The following LINGO2 variants were observed in gnomAD, a reference collection of about 807,000 sequenced individuals.
LINGO2 encodes leucine-rich repeat and immunoglobulin-like domain-containing nogo receptor-interacting protein 2.
LINGO2 carries 14 observed loss-of-function variants against 30.6 expected under a neutral mutation model. The observed-to-expected ratio is 0.46, with a 90% CI of 0.30 to 0.72. The LOEUF is 0.72. LINGO2 is among the 30% of genes least tolerant of loss of function. The pLI is 0.07. For synonymous variants in LINGO2, 317 were observed against 288.5 expected, an observed-to-expected ratio of 1.10 and a Z score of -1.00; for missense variants, 729 against 751.7, an observed-to-expected ratio of 0.97 and a Z score of 0.35.
intron 1 of LINGO2, among the ~76,000 whole-genome samples, chr9:28,539,062 G>A (rs192871910): frequency 1.1e-4 from 16 of 151,826 alleles, no homozygotes; most frequent in African/African-American, 2.2e-4. Context: ...AAATAAACTC[G>A]TAATATGTAT....
Position 28,147,845 on chromosome 9 carries a change from C to G in LINGO2, c.-86-135440G>C, listed in dbSNP as rs957129496. 6.6e-6 allele frequency among the ~76,000 whole-genome samples: 1 copy of G among 152,186 alleles called. No individual in the cohort carries two copies. Among genetic ancestry groups the G allele is most frequent in the African/African-American group, 2.4e-5 (1 of 41,442 alleles). ...CTGGGCTCCTAAGCACTCCTCCACA[C>G]CCTGGCTCTGTCACCAGCCCCATAG... is the stretch of plus-strand genomic sequence containing the variant. On this transcript the variant is annotated intron_variant, in intron 4 of 5. Coordinates refer to ENST00000379992, the Ensembl canonical transcript of LINGO2. This position sits in a 1 kb window ranked among gnomAD's most constrained non-coding sequence, Gnocchi z 4.7.
the LINGO2 span, among the ~76,000 whole-genome samples, chr9:29,188,051 G>C: frequency 8.9e-6 from 1 of 112,330 alleles, no homozygotes; most frequent in Non-Finnish European, 1.8e-5. Context: ...GATCATTCTT[G>C]GGTGTTTCTC....
chr9:29,180,142 A>G, the LINGO2 span, among the ~76,000 whole-genome samples: 1 of 152,212 alleles, frequency 6.6e-6, no homozygotes, highest in Non-Finnish European at 1.5e-5. Context: ...CTCAGCACCA[A>G]GGAAAACACT....
chr9:28,697,638 A>G, the LINGO2 span, among the ~76,000 whole-genome samples: 1 of 151,940 alleles, frequency 6.6e-6, no homozygotes, highest in African/African-American at 2.4e-5. Flanking sequence ...ATTTAACTGA[A>G]GTAGAAATAT....
chr9:28,597,781 T>C (rs1344624990), intron 1 of LINGO2, among the ~76,000 whole-genome samples: 1 of 152,194 alleles, frequency 6.6e-6, no homozygotes, highest in African/African-American at 2.4e-5. Flanking sequence ...TTTATTTATT[T>C]TGAGACAGAG....
chr9:29,082,048 T>G, the LINGO2 span, among the ~76,000 whole-genome samples: 1 of 152,076 alleles, frequency 6.6e-6, no homozygotes, highest in East Asian at 1.9e-4. Context: ...AAGCTACCAA[T>G]GACTTTCTTC....
the LINGO2 span, among the ~76,000 whole-genome samples, chr9:28,980,118 G>C: frequency 6.6e-6 from 1 of 151,986 alleles, no homozygotes; most frequent in African/African-American, 2.4e-5. Context: ...CTGAATCCTT[G>C]AGCAAAAATT....
the LINGO2 span, among the ~76,000 whole-genome samples, chr9:28,920,557 C>T: frequency 6.6e-6 from 1 of 152,054 alleles, no homozygotes; most frequent in Non-Finnish European, 1.5e-5. Flanking sequence ...CTATTTTACT[C>T]AAATGTACAT....
chr9:28,315,903 T>C (rs2134277630), intron 3 of LINGO2, among the ~76,000 whole-genome samples: 1 of 152,296 alleles, frequency 6.6e-6, no homozygotes, highest in Admixed American at 6.5e-5. Context: ...TGCAAATTAG[T>C]TTTTGGGTTA....
At chr9:28,769,506 A>T in the LINGO2 span, among the ~76,000 whole-genome samples, 4 of 2,868 alleles carry the variant, frequency 1.4e-3, no homozygotes, top group African/African-American at 2.9e-3. Flanking sequence ...ATATATATAT[A>T]TATATATATA....
At chr9:28,932,713 T>C in the LINGO2 span, among the ~76,000 whole-genome samples, 2 of 152,070 alleles carry the variant, frequency 1.3e-5, no homozygotes, top group Non-Finnish European at 2.9e-5. Context: ...CTCATTCTAA[T>C]CTCCTCCCCT....
chr9:28,596,869 C>T (rs1286747705), intron 1 of LINGO2, among the ~76,000 whole-genome samples: 1 of 152,112 alleles, frequency 6.6e-6, no homozygotes, highest in Non-Finnish European at 1.5e-5. Flanking sequence ...ATAAAGGGGA[C>T]TGAGCATGCC....
chr9:28,409,188 C>A (rs1448245820), intron 2 of LINGO2, among the ~76,000 whole-genome samples: 2 of 152,054 alleles, frequency 1.3e-5, no homozygotes, highest in African/African-American at 2.4e-5. Context: ...GAAAAAAATT[C>A]ATGTTGTATA....
chr9:28,854,623 C>G, the LINGO2 span, among the ~76,000 whole-genome samples: 1 of 151,946 alleles, frequency 6.6e-6, no homozygotes, highest in Non-Finnish European at 1.5e-5. Flanking sequence ...AAAGTTACCT[C>G]TTTAAGTAGA....
rs1286628823 is a variant in LINGO2 at position 28,557,422 on chromosome 9, A to C, written c.-364-81397T>G. Among the ~76,000 whole-genome samples the C allele has an allele frequency of 7.2e-5, 11 of 152,288 alleles. No homozygotes were observed. The East Asian group carries it at 2.1e-3, about 29-fold the overall frequency. ...TGCTCATCATCACTGGCCATCAGAGAAATGCAAATCAAAACCACAATGAGA... is the reference window on the plus strand; with the variant it reads ...TGCTCATCATCACTGGCCATCAGAGCAATGCAAATCAAAACCACAATGAGA... On this transcript the variant is annotated intron_variant, in intron 1 of 5. Coordinates refer to ENST00000379992, the Ensembl canonical transcript of LINGO2.
At chr9:29,055,500 C>G in the LINGO2 span, among the ~76,000 whole-genome samples, 4 of 152,130 alleles carry the variant, frequency 2.6e-5, no homozygotes, top group Non-Finnish European at 5.9e-5. Context: ...GTAAATAATG[C>G]TGTAATCAAC....
chr9:28,359,833 A>C (rs1013690303), intron 3 of LINGO2, among the ~76,000 whole-genome samples: 5 of 152,166 alleles, frequency 3.3e-5, no homozygotes, highest in African/African-American at 1.2e-4. Flanking sequence ...CTTCCCTCTC[A>C]GAAACATATT....
intron 2 of LINGO2, among the ~76,000 whole-genome samples, chr9:28,467,263 G>A (rs1009581155): frequency 5.9e-5 from 9 of 152,104 alleles, no homozygotes; most frequent in Admixed American, 3.9e-4. Context: ...CTGACCTCTC[G>A]TAGTCTGCCC....
At chr9:29,104,532 G>A in the LINGO2 span, among the ~76,000 whole-genome samples, 7 of 152,086 alleles carry the variant, frequency 4.6e-5, no homozygotes, top group East Asian at 5.8e-4. Flanking sequence ...ACCCAGTCTC[G>A]GGTAGTTCTT....
Sources: gnomAD v4.1 joint callset for allele counts (sites outside exome capture counted in the v4.1 genomes callset) on GRCh38, gnomAD v4.1.1 for gene constraint, Gnocchi (gnomAD v3.1) non-coding constraint, MANE v1.5 for transcripts, NCBI Gene and HGNC (gene_info 2026-07-23, HGNC 2026-07-21) for gene names.